Variants in SEPTIN10 observed in about 807,000 individuals in gnomAD.
SEPTIN10 encodes septin-10.
Under a neutral mutation model 54.8 loss-of-function variants are expected in SEPTIN10, and 66 were observed. The observed-to-expected ratio is 1.21, with a 90% CI of 0.99 to 1.48. The LOEUF (loss-of-function observed/expected upper bound fraction) is 1.48. Ranked by LOEUF, SEPTIN10 falls within the 40% of genes most tolerant of loss-of-function variation. SEPTIN10 has a pLI of 0.00. For missense variants in SEPTIN10, 620 were observed against 545.6 expected (o/e 1.14, Z -1.36); for synonymous variants, 161 against 181.0 (o/e 0.89, Z 0.89).
chr2:109,556,085 A>G (rs1558721740), intron 8 of SEPTIN10, among the ~76,000 whole-genome samples: 1 of 152,230 alleles, frequency 6.6e-6, no homozygotes, highest in Non-Finnish European at 1.5e-5. Flanking sequence ...ATAAATGTTC[A>G]TAGAATGACA....
chr2:109,544,994 GTGGTT>G, intron 10 of SEPTIN10: 1 of 985,386 alleles, frequency 1.0e-6, no homozygotes, highest in Non-Finnish European at 1.2e-6. Context: ...CCAAAGTCCT[GTGGTT>G]TACTTCTCCA....
intron 6 of SEPTIN10, 55 bp from the exon 7 acceptor site, chr2:109,565,914 AAAATAAATTTTATGTG>A: frequency 7.0e-7 from 1 of 1,419,360 alleles, no homozygotes; most frequent in Non-Finnish European, 1.0e-6. Flanking sequence ...CTGACTAGAT[AAAATAAATTTTATGTG>A]AGAGAGAAGA....
At chr2:109,545,257 A>G (rs1680885351) in intron 10 of SEPTIN10, 1 of 1,379,078 alleles carries the variant, frequency 7.3e-7, no homozygotes, top group African/African-American at 1.5e-5. Context: ...CAAGAGCCAA[A>G]TAGTTAAACC....
At chr2:109,579,444 C>T (rs1032441570) in intron 4 of SEPTIN10, among the ~76,000 whole-genome samples, 5 of 150,138 alleles carry the variant, frequency 3.3e-5, no homozygotes, top group Admixed American at 6.7e-5. Context: ...AGTGTAATGG[C>T]CCAATCTTGG....
intron 2 of SEPTIN10, among the ~76,000 whole-genome samples, chr2:109,592,634 G>T (rs1033759173): frequency 6.6e-6 from 1 of 151,334 alleles, no homozygotes; most frequent in Non-Finnish European, 1.5e-5. Flanking sequence ...AAAAAAGTTA[G>T]CCGGACGTGG....
At chr2:109,606,349 A>T (rs1697942201) in intron 1 of SEPTIN10, among the ~76,000 whole-genome samples, 1 of 152,196 alleles carries the variant, frequency 6.6e-6, no homozygotes, top group Admixed American at 6.5e-5. Flanking sequence ...CGGGAGGCAG[A>T]GGTTGCAGTG....
chr2:109,561,082 A>C (rs1456709535), intron 8 of SEPTIN10, among the ~76,000 whole-genome samples: 1 of 152,144 alleles, frequency 6.6e-6, no homozygotes, highest in African/African-American at 2.4e-5. Flanking sequence ...CTTAGGACAA[A>C]GATCAAAATC....
chr2:109,546,267 G>T, intron 9 of SEPTIN10, 30 bp from the exon 10 acceptor site: 1 of 1,454,964 alleles, frequency 6.9e-7, no homozygotes, highest in South Asian at 1.4e-5. Flanking sequence ...CCCCACTACT[G>T]ACACAGCGCG....
intron 5 of SEPTIN10, 142 bp from the exon 6 acceptor site, chr2:109,568,118 C>T (rs1203736899): frequency 6.4e-6 from 4 of 626,828 alleles, no homozygotes; most frequent in East Asian, 2.8e-5. Flanking sequence ...CGGTCCATCT[C>T]GCTGTTGATC....
intron 1 of SEPTIN10, among the ~76,000 whole-genome samples, chr2:109,607,603 A>T (rs1452120818): frequency 1.3e-5 from 2 of 152,224 alleles, no homozygotes; most frequent in Non-Finnish European, 2.9e-5. Context: ...ACCTGGGCTA[A>T]TTTAATAAAA....
intron 8 of SEPTIN10, among the ~76,000 whole-genome samples, chr2:109,554,434 C>T (rs1183170943): frequency 6.6e-6 from 1 of 152,178 alleles, no homozygotes; most frequent in Non-Finnish European, 1.5e-5. Flanking sequence ...AGTTCAGGGT[C>T]ATGGGTGGCT....
intron 6 of SEPTIN10, 66 bp downstream of exon 6, chr2:109,567,749 A>G (rs1013338267): frequency 7.0e-7 from 1 of 1,436,564 alleles, no homozygotes; most frequent in Non-Finnish European, 9.3e-7. Context: ...TAGCAGCAAT[A>G]TTACTCACAA....
At chr2:109,556,494 C>T (rs1684399263) in intron 8 of SEPTIN10, among the ~76,000 whole-genome samples, 1 of 152,124 alleles carries the variant, frequency 6.6e-6, no homozygotes. Context: ...GAGTTTGAGG[C>T]ATGTACAGGA....
chr2:109,592,971 A>G (rs1032453144), intron 2 of SEPTIN10, 80 bp downstream of exon 2: 10 of 924,234 alleles, frequency 1.1e-5, no homozygotes, highest in Non-Finnish European at 1.4e-5. Flanking sequence ...ACAAGAGTCT[A>G]TAAGCACTCC....
At chr2:109,564,318 T>C in intron 8 of SEPTIN10, 48 bp downstream of exon 8, 1 of 1,439,798 alleles carries the variant, frequency 6.9e-7, no homozygotes, top group East Asian at 2.4e-5. Context: ...AAATATGCAA[T>C]CCTCTCTAAC....
chr2:109,613,285 G>C (rs1699675903), intron 1 of SEPTIN10: 1 of 794,090 alleles, frequency 1.3e-6, no homozygotes, highest in Non-Finnish European at 1.7e-6. Context: ...AAAGAGTCAA[G>C]GCGGGAAAAA....
At chr2:109,555,806 C>T (rs904571604) in intron 8 of SEPTIN10, among the ~76,000 whole-genome samples, 2 of 152,198 alleles carry the variant, frequency 1.3e-5, no homozygotes, top group African/African-American at 4.8e-5. Flanking sequence ...TCACTAGAAG[C>T]AGGACGCTCT....
chr2:109,596,761 C>T (rs1384484436), intron 1 of SEPTIN10, among the ~76,000 whole-genome samples: 1 of 152,028 alleles, frequency 6.6e-6, no homozygotes, highest in East Asian at 1.9e-4. Flanking sequence ...TGTTTCTGAA[C>T]ATTGGCCAAA....
intron 1 of SEPTIN10, among the ~76,000 whole-genome samples, chr2:109,595,459 T>C (rs898790449): frequency 2.0e-5 from 3 of 152,206 alleles, no homozygotes; most frequent in Admixed American, 6.5e-5. Context: ...CCAGTCATCA[T>C]GTGGTACCTA....
Sources: gnomAD v4.1 joint callset for allele counts (sites outside exome capture counted in the v4.1 genomes callset) on GRCh38, gnomAD v4.1.1 for gene constraint, MANE v1.5 for transcripts, NCBI Gene and HGNC (gene_info 2026-07-23, HGNC 2026-07-21) for gene names.